ABCA5: variants seen among roughly 807,000 people sequenced by gnomAD.
The protein encoded by ABCA5 is cholesterol transporter ABCA5.
ABCA5 carries 163 observed loss-of-function variants against 206.0 expected under a neutral mutation model. The ratio of observed to expected loss-of-function variants is 0.79; its 90% CI spans 0.70 to 0.90. The LOEUF (loss-of-function observed/expected upper bound fraction) is 0.90. Ranked by LOEUF, ABCA5 falls within the 40% of genes least tolerant of loss-of-function variation. The pLI is 0.00. For missense variants in ABCA5, 1,859 were observed against 1,912.9 expected (o/e 0.97, Z 0.53); for synonymous variants, 609 against 613.8 (o/e 0.99, Z 0.11).
At chr17:69,259,060 C>A (rs2075116476) in intron 28 of ABCA5, among the ~76,000 whole-genome samples, 1 of 151,942 alleles carries the variant, frequency 6.6e-6, no homozygotes, top group African/African-American at 2.4e-5. Flanking sequence ...CCTCAAATGA[C>A]CCAGCAATCC....
intron 3 of ABCA5, among the ~76,000 whole-genome samples, chr17:69,312,012 T>C (rs73998229): frequency 0.015 from 2,259 of 152,300 alleles, 59 homozygotes; most frequent in African/African-American, 0.05. Flanking sequence ...AAAAGTTACC[T>C]GGCTTCTGAC....
intron 12 of ABCA5, 22 bp downstream of exon 12, chr17:69,291,194 T>C: frequency 1.1e-5 from 16 of 1,499,182 alleles, no homozygotes; most frequent in Non-Finnish European, 1.3e-5. Context: ...AAGTTTTTTT[T>C]TCTTTAAGAC....
chr17:69,311,100 G>A (rs1433895240), intron 3 of ABCA5, among the ~76,000 whole-genome samples: 6 of 152,034 alleles, frequency 3.9e-5, no homozygotes, highest in Admixed American at 2.6e-4. Flanking sequence ...AGGCTGAAGC[G>A]GGAGTATCAC....
At position 69,255,750 on chromosome 17, in the gene ABCA5, G is replaced by A; in HGVS notation, c.3959C>T (p.Ser1320Phe). 6.3e-7 allele frequency: 1 copy of A among 1,592,060 alleles called. No homozygotes were observed. Among genetic ancestry groups the A allele is most frequent in the Non-Finnish European group, 8.5e-7 (1 of 1,173,996 alleles). ...KVKKVATKYISFCVKKGEILG... is the reference protein window; with the variant it reads ...KVKKVATKYIFFCVKKGEILG... ...ATACCAGCCTTTTTTCACACAGAAAGAGATGTATTTAGTTGCCACTTTCTT... is the reference window on the plus strand; with the variant it reads ...ATACCAGCCTTTTTTCACACAGAAAAAGATGTATTTAGTTGCCACTTTCTT... The change falls in exon 30 of 39, where the codon TCT becomes TTT. Residue 1320 changes from serine (S) to phenylalanine (F), a missense_variant. Physicochemically the swap from Ser to Phe is radical, Grantham distance 155. Coordinates refer to ENST00000392676, the MANE Select transcript of ABCA5 (RefSeq NM_172232.4).
chr17:69,264,009 T>A (rs1422154768), intron 24 of ABCA5, among the ~76,000 whole-genome samples: 1 of 152,164 alleles, frequency 6.6e-6, no homozygotes. Context: ...GTAGGATTCC[T>A]TTAGCCATCT....
At chr17:69,254,176 A>C in intron 32 of ABCA5, 139 bp downstream of exon 32, 2 of 707,784 alleles carry the variant, frequency 2.8e-6, no homozygotes, top group Non-Finnish European at 2.2e-6. Flanking sequence ...TTCATATATC[A>C]TAAAGAATAT....
At chr17:69,252,759 C>T (rs2075030638) in intron 34 of ABCA5, among the ~76,000 whole-genome samples, 1 of 150,990 alleles carries the variant, frequency 6.6e-6, no homozygotes, top group South Asian at 2.1e-4. Context: ...ATCGCTTCAG[C>T]CTGGGAAGCA....
chr17:69,283,906 A>G (rs373425188), intron 18 of ABCA5, 47 bp downstream of exon 18: 292 of 1,556,962 alleles, frequency 1.9e-4, no homozygotes, highest in Non-Finnish European at 2.3e-4. Flanking sequence ...CTTATTCACC[A>G]TCTGTCTGAT....
chr17:69,254,445 AATC>A lies in ABCA5; in HGVS notation c.4111_4113del (p.Asp1371del), dbSNP rs1222496204. 6.2e-7 allele frequency: 1 copy of A among 1,613,118 alleles called. No homozygotes were observed. Among genetic ancestry groups the A allele is most frequent in the African/African-American group, 1.3e-5 (1 of 74,884 alleles). ...GGACAGTAACCCATACACTTCAGTG[AATC>A]ATCATCTTCACTTGTCTCTGAAGAA... On this transcript the variant is annotated inframe_deletion, in exon 32 of 39. Transcript: ENST00000392676.
chr17:69,251,948 GGTTAATTAA>G lies in ABCA5; in HGVS notation c.4416-91_4416-83del, dbSNP rs1215373468. 4.0e-6 allele frequency: 6 copies of G among 1,481,572 alleles called. No homozygotes were observed. The African/African-American group carries it at 5.7e-5, about 14-fold the overall frequency. 91.8% of individuals were successfully genotyped at this position (1,481,572 alleles called of 1,614,324 possible). The stretch of plus-strand genomic sequence containing the variant: ...TGGGTTTTTAAAAATCCAACCGGTT[GGTTAATTAA>G]GTTAATTAAAACTTACCAAATATCA... On this transcript the variant is annotated intron_variant, in intron 34 of 38. Coordinates refer to ENST00000392676, the MANE Select transcript of ABCA5 (RefSeq NM_172232.4).
intron 26 of ABCA5, among the ~76,000 whole-genome samples, chr17:69,260,686 C>T (rs1157684151): frequency 6.6e-6 from 1 of 151,838 alleles, no homozygotes; most frequent in Admixed American, 6.6e-5. Context: ...ACCAAGAATT[C>T]ATAACAATAT....
chr17:69,301,558 T>A (rs1031027743), intron 8 of ABCA5, among the ~76,000 whole-genome samples: 5 of 152,118 alleles, frequency 3.3e-5, no homozygotes, highest in African/African-American at 1.2e-4. Context: ...GGGCATTTAA[T>A]TCCAATGTAA....
chr17:69,269,003 AG>A (rs1332734728), intron 22 of ABCA5: 2 of 152,238 alleles, frequency 1.3e-5, no homozygotes, highest in East Asian at 3.8e-4. Flanking sequence ...GAAATGAATG[AG>A]ACTACAGTTG....
At chr17:69,273,709 G>C (rs2075299806) in intron 20 of ABCA5, among the ~76,000 whole-genome samples, 1 of 151,978 alleles carries the variant, frequency 6.6e-6, no homozygotes, top group Non-Finnish European at 1.5e-5. Context: ...ACCCGCCTTG[G>C]CCTCCCAAAG....
chr17:69,291,955 A>T (rs528895305), intron 11 of ABCA5, among the ~76,000 whole-genome samples: 1 of 152,034 alleles, frequency 6.6e-6, no homozygotes, highest in African/African-American at 2.4e-5. Flanking sequence ...TCTACAAAAA[A>T]TATAAAAATT....
chr17:69,321,236 CT>C (rs1382495494), intron 1 of ABCA5, among the ~76,000 whole-genome samples: 2 of 152,150 alleles, frequency 1.3e-5, no homozygotes, highest in Non-Finnish European at 2.9e-5. Flanking sequence ...ATGGGAACAA[CT>C]CTTGTGGATG....
chr17:69,253,462 T>G (rs1568088912), intron 34 of ABCA5, 111 bp downstream of exon 34: 1 of 622,164 alleles, frequency 1.6e-6, no homozygotes, highest in Admixed American at 2.9e-5. Flanking sequence ...GTGTATCGTT[T>G]GAATAGGATT....
chr17:69,261,348 C>A, intron 25 of ABCA5, 89 bp from the exon 26 acceptor site: 1 of 1,216,680 alleles, frequency 8.2e-7, no homozygotes. Context: ...TTTTTTCAAT[C>A]CTCTAATAAA....
intron 23 of ABCA5, 76 bp from the exon 24 acceptor site, chr17:69,264,981 A>G: frequency 9.4e-7 from 1 of 1,063,472 alleles, no homozygotes; most frequent in South Asian, 3.1e-5. Context: ...AAATTATTGT[A>G]GATCTCTTAA....
Sources: gnomAD v4.1 joint callset for allele counts (sites outside exome capture counted in the v4.1 genomes callset) on GRCh38, gnomAD v4.1.1 for gene constraint, MANE v1.5 for transcripts, NCBI Gene and HGNC (gene_info 2026-07-23, HGNC 2026-07-21) for gene names.